TDRD5: variants seen among roughly 807,000 people sequenced by gnomAD.
TDRD5 encodes tudor domain-containing protein 5.
Under a neutral mutation model 120.6 loss-of-function variants are expected in TDRD5, and 41 were observed. The ratio of observed to expected loss-of-function variants is 0.34; its 90% CI spans 0.26 to 0.44. The LOEUF (loss-of-function observed/expected upper bound fraction) is 0.44. TDRD5 is among the 20% of genes least tolerant of loss of function. The probability of loss-of-function intolerance (pLI) is 1.00; values close to 1 mark genes in which losing one functional copy is unlikely to be tolerated. For missense variants in TDRD5, 1,006 were observed against 1,221.2 expected (o/e 0.82, Z 2.63); for synonymous variants, 430 against 433.7 (o/e 0.99, Z 0.11).
At chr1:179,648,418 A>AG (rs2102053539) in intron 11 of TDRD5, among the ~76,000 whole-genome samples, 1 of 103,190 alleles carries the variant, frequency 9.7e-6, no homozygotes, top group African/African-American at 3.5e-5. Context: ...GGACACAGGA[A>AG]GGGGAACATC....
intron 10 of TDRD5, 124 bp downstream of exon 10, chr1:179,640,175 T>C: frequency 8.7e-7 from 1 of 1,151,566 alleles, no homozygotes; most frequent in Non-Finnish European, 1.2e-6. Flanking sequence ...TCCTTCTTCT[T>C]AGTGCATATT....
chr1:179,608,057 G>T (rs1332255645), intron 4 of TDRD5, among the ~76,000 whole-genome samples: 1 of 151,924 alleles, frequency 6.6e-6, no homozygotes, highest in Non-Finnish European at 1.5e-5. Context: ...TCCAGGTATA[G>T]AATTCTATCT....
chr1:179,618,595 A>G lies in TDRD5; in HGVS notation c.832-4A>G. The G allele has an allele frequency of 3.2e-6, 5 of 1,573,334 alleles. No homozygotes were observed. Among genetic ancestry groups the G allele is most frequent in the East Asian group, 2.3e-5 (1 of 42,604 alleles). On this transcript the variant is annotated splice_polypyrimidine_tract_variant and splice_region_variant and intron_variant, in intron 4 of 17. Coordinates refer to ENST00000444136, the MANE Select transcript of TDRD5 (RefSeq NM_001199085.3). ...GACTTGACTTTTTTTTTCTTTTTTC[A>G]TAGCTGGAGAACACATTCAAATCAG...
Position 179,593,496 on chromosome 1 carries a change from T to G in TDRD5, c.269T>G (p.Leu90Ter). The G allele has an allele frequency of 6.2e-7, 1 of 1,613,932 alleles. No individual in the cohort carries two copies. Among genetic ancestry groups the G allele is most frequent in the Non-Finnish European group, 8.5e-7 (1 of 1,179,788 alleles). Residue 90 changes from leucine (L) to a stop codon, truncating the protein, a stop_gained, in exon 3 of 18, where the codon TTA (leucine) becomes TGA (stop). Transcript: ENST00000444136. LOFTEE classifies it high-confidence loss of function. Reference sequence around the variant, plus strand: ...GAATCTACCAAAGGAATAGCAAGCTTAGTTGCAAAACAGAGGAGCAGCCAT... The same window carrying G: ...GAATCTACCAAAGGAATAGCAAGCTGAGTTGCAAAACAGAGGAGCAGCCAT... ...PDESTKGIAS[L>*]VAKQRSSHKL... is the part of the protein sequence containing the mutation.
intron 3 of TDRD5, among the ~76,000 whole-genome samples, chr1:179,594,403 G>A (rs1675278014): frequency 6.6e-6 from 1 of 152,210 alleles, no homozygotes. Context: ...GTAAGTAACT[G>A]TGTCTTATAG....
At chr1:179,658,737 T>C (rs1420439643) in intron 14 of TDRD5, among the ~76,000 whole-genome samples, 1 of 152,202 alleles carries the variant, frequency 6.6e-6, no homozygotes, top group African/African-American at 2.4e-5. Context: ...AATAAGCTTT[T>C]GGTGTCACTG....
chr1:179,615,841 A>G (rs955708764), intron 4 of TDRD5, among the ~76,000 whole-genome samples: 1 of 150,726 alleles, frequency 6.6e-6, no homozygotes, highest in Non-Finnish European at 1.5e-5. Context: ...TCATTTTGCT[A>G]TCTTAAACCT....
rs1190171988 is a variant in TDRD5, at chr1:179,635,835, A to T, written c.1468A>T (p.Ile490Phe). The T allele has an allele frequency of 3.7e-6, 6 of 1,613,868 alleles. No homozygotes were observed. Among genetic ancestry groups the T allele is most frequent in the Non-Finnish European group, 5.1e-6 (6 of 1,179,986 alleles). The part of the protein sequence containing the change: ...IISPSQFYIR[I>F]YSRDSSELLE... ...CTCTCCTAGTCAATTCTACATCCGGATCTATAGCAGGGATTCGTCAGAGTT... is the reference window on the plus strand; with the variant it reads ...CTCTCCTAGTCAATTCTACATCCGGTTCTATAGCAGGGATTCGTCAGAGTT... Residue 490 changes from isoleucine to phenylalanine, a missense_variant, in exon 9 of 18, where the codon ATC becomes TTC. Transcript: ENST00000444136.
intron 17 of TDRD5, among the ~76,000 whole-genome samples, chr1:179,683,404 A>G (rs930754286): frequency 1.3e-5 from 2 of 152,178 alleles, no homozygotes; most frequent in African/African-American, 4.8e-5. Context: ...ACCTTTTGAT[A>G]TCCGAGCTCA....
At chr1:179,639,144 A>G (rs1017448049) in intron 9 of TDRD5, among the ~76,000 whole-genome samples, 2 of 152,246 alleles carry the variant, frequency 1.3e-5, no homozygotes, top group Non-Finnish European at 2.9e-5. Context: ...AGCAAGAACA[A>G]TAGCTAATAT....
intron 8 of TDRD5, among the ~76,000 whole-genome samples, chr1:179,635,405 T>G (rs949545175): frequency 6.6e-6 from 1 of 152,230 alleles, no homozygotes; most frequent in African/African-American, 2.4e-5. Context: ...TTTTAAACTC[T>G]ATACCTAATG....
At chr1:179,601,750 T>C (rs184105583) in intron 4 of TDRD5, among the ~76,000 whole-genome samples, 4 of 152,374 alleles carry the variant, frequency 2.6e-5, no homozygotes, top group African/African-American at 9.6e-5. Context: ...CTTTTTCGTA[T>C]AATGATTCCT....
chr1:179,666,752 AT>A (rs1679574884), intron 16 of TDRD5, among the ~76,000 whole-genome samples: 1 of 152,198 alleles, frequency 6.6e-6, no homozygotes, highest in Non-Finnish European at 1.5e-5. Context: ...GCCATTTTAC[AT>A]TCCTACCAAC....
intron 17 of TDRD5, among the ~76,000 whole-genome samples, chr1:179,689,566 ACT>A (rs1680986914): frequency 6.6e-6 from 1 of 151,808 alleles, no homozygotes; most frequent in Non-Finnish European, 1.5e-5. Flanking sequence ...GAGAACCACT[ACT>A]CTCTTCAAAG....
At chr1:179,677,404 C>G (rs1174557861) in intron 17 of TDRD5, among the ~76,000 whole-genome samples, 1 of 151,906 alleles carries the variant, frequency 6.6e-6, no homozygotes, top group African/African-American at 2.4e-5. Context: ...CTGGTGTGAT[C>G]TTTTAGGGGT....
chr1:179,601,747 G>A lies in TDRD5; in HGVS notation c.831+5929G>A, dbSNP rs778233742. ...ATGTGCATCTGCAAGTATCTTTTTC[G>A]TATAATGATTCCTCTGGGTAGATAC... is the stretch of plus-strand genomic sequence containing the variant. On this transcript the variant is annotated intron_variant, in intron 4 of 17. Transcript: ENST00000444136. Among the ~76,000 whole-genome samples, 11 of 152,278 alleles carry A rather than the reference G, an allele frequency of 7.2e-5. No individual in the cohort carries two copies. The East Asian group carries it at 1.2e-3, about 16-fold the overall frequency.
chr1:179,660,310 C>G (rs1679242401), intron 14 of TDRD5, among the ~76,000 whole-genome samples: 3 of 144,630 alleles, frequency 2.1e-5, no homozygotes, highest in Admixed American at 7.1e-5. Flanking sequence ...AGCTCTGCCT[C>G]TCAGGTTCAC....
At position 179,593,481 on chromosome 1, in the gene TDRD5, A is replaced by C; in HGVS notation, c.254A>C (p.Lys85Thr). The C allele has an allele frequency of 6.2e-7, 1 of 1,613,136 alleles. No homozygotes were observed. The highest frequency in any genetic ancestry group is 8.5e-7 in the Non-Finnish European group (1 of 1,179,088). The change falls in exon 3 of 18, where the codon AAA becomes ACA. Residue 85 changes from lysine (K) to threonine (T), a missense_variant. Around this residue, in one of 3 missense-constraint regions of TDRD5, gnomAD observed 445 missense variants for 515.5 expected, o/e 0.86. Coordinates refer to ENST00000444136, the MANE Select transcript of TDRD5 (RefSeq NM_001199085.3). ...ILKAIPDESTKGIASLVAKQR... is the reference protein window; with the variant it reads ...ILKAIPDESTTGIASLVAKQR... ...TCAGCCATTCCAGATGAATCTACCA[A>C]AGGAATAGCAAGCTTAGTTGCAAAA...
At chr1:179,685,795 T>C (rs908034791) in intron 17 of TDRD5, among the ~76,000 whole-genome samples, 2 of 152,222 alleles carry the variant, frequency 1.3e-5, no homozygotes, top group Non-Finnish European at 2.9e-5. Flanking sequence ...TTTTATTCTC[T>C]CTGAAGCAAT....
Sources: allele counts gnomAD v4.1 joint callset (sites outside exome capture counted in the v4.1 genomes callset), GRCh38; gene constraint gnomAD v4.1.1; regional missense constraint gnomAD v4.1.1; transcripts MANE v1.5; gene names NCBI Gene and HGNC (gene_info 2026-07-23, HGNC 2026-07-21).